Variants in RELL1 observed in about 807,000 individuals in gnomAD.
RELL1 encodes the protein RELT like 1.
RELL1 carries 10 observed loss-of-function variants against 23.0 expected under a neutral mutation model. The ratio of observed to expected loss-of-function variants is 0.43; its 90% CI spans 0.27 to 0.74. The LOEUF (loss-of-function observed/expected upper bound fraction) is 0.74, where lower values mean the gene tolerates loss of function less well. RELL1 is among the 30% of genes least tolerant of loss of function. The probability of loss-of-function intolerance (pLI) is 0.19; values close to 1 mark genes in which losing one functional copy is unlikely to be tolerated. For synonymous variants in RELL1, 146 were observed against 146.8 expected, an observed-to-expected ratio of 0.99 and a Z score of 0.04; for missense variants, 315 against 364.4, an observed-to-expected ratio of 0.86 and a Z score of 1.10.
chr4:37,630,228 G>A (rs1162700001), intron 6 of RELL1, among the ~76,000 whole-genome samples: 1 of 151,790 alleles, frequency 6.6e-6, no homozygotes, highest in Admixed American at 6.6e-5. Context: ...CGTCACCGTT[G>A]CTCTTTTACA....
chr4:37,644,168 C>T (rs1413200710), intron 3 of RELL1, among the ~76,000 whole-genome samples: 4 of 151,796 alleles, frequency 2.6e-5, no homozygotes, highest in Non-Finnish European at 5.9e-5. Flanking sequence ...AAAAGGAAAA[C>T]AACATCATTT....
chr4:37,592,353 G>GAAA (rs11403816), intron 6 of RELL1, among the ~76,000 whole-genome samples: 10 of 108,144 alleles, frequency 9.2e-5, no homozygotes, highest in Admixed American at 3.9e-4. Flanking sequence ...CCATCTCTAT[G>GAAA]AAAAAAAAAA....
At chr4:37,597,104 T>C (rs1354400701) in intron 6 of RELL1, among the ~76,000 whole-genome samples, 2 of 152,018 alleles carry the variant, frequency 1.3e-5, no homozygotes, top group African/African-American at 4.8e-5. Context: ...ACCACGCACT[T>C]ATAATATAAG....
chr4:37,662,528 A>G (rs947006417), intron 1 of RELL1, among the ~76,000 whole-genome samples: 20 of 151,938 alleles, frequency 1.3e-4, no homozygotes, highest in Admixed American at 1.2e-3. Context: ...CCGGGTTGCT[A>G]CCAGAACAAA....
chr4:37,635,539 A>C (rs571435866), intron 4 of RELL1, among the ~76,000 whole-genome samples: 1 of 152,238 alleles, frequency 6.6e-6, no homozygotes, highest in East Asian at 1.9e-4. Context: ...TGGTGGGAGG[A>C]TCACTTGAGC....
At chr4:37,679,996 C>A (rs1187635062) in intron 1 of RELL1, among the ~76,000 whole-genome samples, 3 of 152,106 alleles carry the variant, frequency 2.0e-5, no homozygotes, top group Non-Finnish European at 2.9e-5. Context: ...TTAAGTTTTA[C>A]AACCTACAGA....
At chr4:37,683,953 C>T (rs1358052456) in intron 1 of RELL1, among the ~76,000 whole-genome samples, 1 of 151,576 alleles carries the variant, frequency 6.6e-6, no homozygotes, top group Admixed American at 6.6e-5. Flanking sequence ...TGGTGGCGGG[C>T]GCCTGTAGTC....
At chr4:37,620,350 A>G (rs1403948380) in intron 6 of RELL1, among the ~76,000 whole-genome samples, 1 of 152,214 alleles carries the variant, frequency 6.6e-6, no homozygotes, top group African/African-American at 2.4e-5. Flanking sequence ...ACATACTTAT[A>G]TATTTAGCAA....
intron 6 of RELL1, among the ~76,000 whole-genome samples, chr4:37,615,436 T>C (rs921311069): frequency 6.6e-6 from 1 of 152,254 alleles, no homozygotes; most frequent in Non-Finnish European, 1.5e-5. Context: ...CAGGTATTTC[T>C]TTAACCCAGA....
chr4:37,607,791 T>G (rs1449296129), downstream of RELL1, among the ~76,000 whole-genome samples: 2 of 152,098 alleles, frequency 1.3e-5, no homozygotes, highest in African/African-American at 4.8e-5. Flanking sequence ...GGTTTCACCA[T>G]GGTGGCCAGG....
At chr4:37,620,855 A>G (rs1719738244) in intron 6 of RELL1, among the ~76,000 whole-genome samples, 1 of 152,236 alleles carries the variant, frequency 6.6e-6, no homozygotes, top group South Asian at 2.1e-4. Context: ...CTGATCCGAT[A>G]TAGTAATTTA....
At chr4:37,619,727 C>T (rs894596602) in intron 6 of RELL1, among the ~76,000 whole-genome samples, 2 of 152,112 alleles carry the variant, frequency 1.3e-5, no homozygotes, top group Non-Finnish European at 2.9e-5. Flanking sequence ...GCCACATGCC[C>T]AGCTAATTTT....
intron 6 of RELL1, among the ~76,000 whole-genome samples, chr4:37,602,747 A>C (rs2109488846): frequency 6.6e-6 from 1 of 152,342 alleles, no homozygotes; most frequent in Non-Finnish European, 1.5e-5. Context: ...TCAGAAAGAT[A>C]AGATACCTTT....
chr4:37,633,970 C>T (rs1367404599), intron 5 of RELL1, among the ~76,000 whole-genome samples: 1 of 152,244 alleles, frequency 6.6e-6, no homozygotes, highest in Non-Finnish European at 1.5e-5. Context: ...GCACTGTTGA[C>T]TTTCGCTCAG....
rs1560323891 is a variant in RELL1 at position 37,604,874 on chromosome 4, CACACAT to C, written c.*4-13663_*4-13658del. Among the ~76,000 whole-genome samples the C allele has an allele frequency of 1.1e-3, 112 of 98,104 alleles. 1 individual carries two copies. Among genetic ancestry groups the C allele is most frequent in the African/African-American group, 1.6e-3 (36 of 21,844 alleles). 64.4% of individuals were successfully genotyped at this position (98,104 alleles called of 152,430 possible). ...ACAGACACACACACACAGACACACA[CACACAT>C]ACACACAGACACACACACAGACACA... On this transcript the variant is annotated intron_variant, in intron 6 of 6. Coordinates refer to the RELL1 transcript ENST00000314117.
Position 37,612,211 on chromosome 4 carries a change from A to G in RELL1, c.*1135T>C, listed in dbSNP as rs2109230176. On this transcript the variant is annotated 3_prime_UTR_variant, in exon 7 of 7. Transcript: ENST00000454158. ...AAAAAAAAAAAAAAAAGAGAGAAGC[A>G]GGGTTCTTTTGTTTTGGCCTTGGGT... is the stretch of plus-strand genomic sequence containing the variant. Among the ~76,000 whole-genome samples, 1 of 143,076 alleles carries G rather than the reference A, an allele frequency of 7.0e-6. No individual in the cohort carries two copies. The highest frequency in any genetic ancestry group is 2.1e-4 in the East Asian group (1 of 4,660). 93.9% of individuals were successfully genotyped at this position (143,076 alleles called of 152,430 possible).
chr4:37,631,572 A>T, intron 5 of RELL1, 49 bp from the exon 6 acceptor site: 1 of 1,592,956 alleles, frequency 6.3e-7, no homozygotes, highest in Non-Finnish European at 8.6e-7. Context: ...TCTAATAAAC[A>T]AGAATTATGA....
chr4:37,674,619 A>T (rs977173867), intron 1 of RELL1, among the ~76,000 whole-genome samples: 2 of 152,232 alleles, frequency 1.3e-5, no homozygotes, highest in Non-Finnish European at 2.9e-5. Flanking sequence ...CACCAATGCC[A>T]GGAAATTCCG....
chr4:37,624,147 A>G (rs529737340), intron 6 of RELL1, among the ~76,000 whole-genome samples: 1 of 152,308 alleles, frequency 6.6e-6, no homozygotes, highest in Non-Finnish European at 1.5e-5. Flanking sequence ...AGGCGGCCGA[A>G]GGTCAGAAGA....
Sources: allele counts gnomAD v4.1 joint callset (sites outside exome capture counted in the v4.1 genomes callset), GRCh38; gene constraint gnomAD v4.1.1; transcripts MANE v1.5; gene names NCBI Gene and HGNC (gene_info 2026-07-23, HGNC 2026-07-21).